The following PLCB1 variants were observed in gnomAD, a reference collection of about 807,000 sequenced individuals.
The protein encoded by PLCB1 is phospholipase C beta 1, also known as 1-phosphatidylinositol 4,5-bisphosphate phosphodiesterase beta-1.
Under a neutral mutation model 161.8 loss-of-function variants are expected in PLCB1, and 46 were observed. The observed-to-expected ratio is 0.28, with a 90% CI of 0.22 to 0.36. PLCB1 has a LOEUF of 0.36. Among genes scored for constraint, PLCB1 ranks in the 10% least tolerant of loss-of-function variants. The pLI is 1.00. For synonymous variants in PLCB1, 517 were observed against 503.7 expected, an observed-to-expected ratio of 1.03 and a Z score of -0.35; for missense variants, 1,016 against 1,472.5, an observed-to-expected ratio of 0.69 and a Z score of 5.07.
chr20:8,583,488 T>TTG, intron 3 of PLCB1, among the ~76,000 whole-genome samples: 1 of 152,230 alleles, frequency 6.6e-6, no homozygotes, highest in Admixed American at 6.5e-5. Flanking sequence ...GAATCTAACC[T>TTG]AACACAGTCA....
intron 23 of PLCB1, among the ~76,000 whole-genome samples, chr20:8,748,835 A>G (rs1360117618): frequency 6.6e-6 from 1 of 152,242 alleles, no homozygotes; most frequent in Non-Finnish European, 1.5e-5. Context: ...ACAGGGGGAC[A>G]AAGCGGGTAA....
chr20:8,543,262 A>G (rs532084225), intron 3 of PLCB1, among the ~76,000 whole-genome samples: 15 of 152,234 alleles, frequency 9.9e-5, no homozygotes, highest in Non-Finnish European at 5.9e-5. Context: ...TATGTAAGAG[A>G]GATATGTGGA....
chr20:8,664,214 A>G (rs759297103), intron 9 of PLCB1, among the ~76,000 whole-genome samples: 2 of 152,186 alleles, frequency 1.3e-5, no homozygotes, highest in African/African-American at 4.8e-5. Context: ...CTAAATTTTT[A>G]TAAGGTATAC....
At chr20:8,322,135 A>C (rs549696922) in intron 2 of PLCB1, among the ~76,000 whole-genome samples, 1 of 152,184 alleles carries the variant, frequency 6.6e-6, no homozygotes, top group East Asian at 1.9e-4. Context: ...CCTATTTATT[A>C]ATATTCTTTA....
intron 3 of PLCB1, among the ~76,000 whole-genome samples, chr20:8,531,290 A>G (rs907739255): frequency 3.3e-5 from 5 of 152,120 alleles, no homozygotes; most frequent in African/African-American, 1.2e-4. Context: ...ACTAAATGAT[A>G]CTTGCAGGAC....
intron 31 of PLCB1, among the ~76,000 whole-genome samples, chr20:8,847,896 C>A (rs541134261): frequency 6.6e-6 from 1 of 152,104 alleles, no homozygotes; most frequent in East Asian, 1.9e-4. Flanking sequence ...GCAATTTATA[C>A]GAACAGAAAT....
intron 3 of PLCB1, among the ~76,000 whole-genome samples, chr20:8,502,237 C>G (rs1306977106): frequency 1.3e-5 from 2 of 151,914 alleles, no homozygotes; most frequent in African/African-American, 4.8e-5. Context: ...AATATATATT[C>G]TTAAAGTGTG....
intron 11 of PLCB1, among the ~76,000 whole-genome samples, 196 bp downstream of exon 11, chr20:8,697,979 A>G (rs1990617514): frequency 2.6e-5 from 4 of 152,240 alleles, no homozygotes; most frequent in Admixed American, 2.6e-4. Flanking sequence ...CATGCTAACC[A>G]AATTCTAAGG....
chr20:8,226,748 C>T lies in PLCB1; in HGVS notation c.177+76377C>T, dbSNP rs1044794846. On this transcript the variant is annotated intron_variant, in intron 2 of 31. Transcript: ENST00000338037. ...TGTCTCCCTGGCTGGAGTGCAGTGG[C>T]GCAATCTCGGCTCACTGCAACCTCC... 1.3e-4 allele frequency among the ~76,000 whole-genome samples: 19 copies of T among 150,846 alleles called. No homozygotes were observed. In the East Asian group the frequency reaches 1.6e-3, roughly 12 times the overall value.
chr20:8,784,905 G>A (rs986796498), intron 27 of PLCB1, among the ~76,000 whole-genome samples: 1 of 152,186 alleles, frequency 6.6e-6, no homozygotes, highest in Non-Finnish European at 1.5e-5. Flanking sequence ...TATCGCTGAG[G>A]TCGGGTCCAG....
chr20:8,513,528 C>T (rs975783815), intron 3 of PLCB1, among the ~76,000 whole-genome samples: 8 of 152,186 alleles, frequency 5.3e-5, no homozygotes, highest in Non-Finnish European at 1.2e-4. Flanking sequence ...TAATTCGGAA[C>T]GAATACCTAT....
intron 3 of PLCB1, among the ~76,000 whole-genome samples, chr20:8,536,834 G>A (rs933459271): frequency 3.3e-5 from 5 of 152,172 alleles, no homozygotes; most frequent in Admixed American, 1.3e-4. Flanking sequence ...CTCCTTTGCT[G>A]CATGGGGGAA....
Position 8,375,908 on chromosome 20 carries a change from C to G in PLCB1, c.246+4458C>G, listed in dbSNP as rs1405666964. ...TTGAATAAGTTTACATAACCTGAAA[C>G]TTCTTACCTCCTTCATCATGCAAAC... is the stretch of plus-strand genomic sequence containing the variant. On this transcript the variant is annotated intron_variant, in intron 3 of 31. Transcript: ENST00000338037. Among the ~76,000 whole-genome samples, 3 of 137,118 alleles carry G rather than the reference C, an allele frequency of 2.2e-5. No homozygotes were observed. In the Admixed American group the frequency reaches 2.4e-4, roughly 11 times the overall value. 90.0% of individuals were successfully genotyped at this position (137,118 alleles called of 152,430 possible). A position where few individuals can be genotyped will look rare whatever the true frequency, so the allele number is the denominator to read the frequency against.
chr20:8,573,793 A>T (rs994531486), intron 3 of PLCB1, among the ~76,000 whole-genome samples: 1 of 152,168 alleles, frequency 6.6e-6, no homozygotes, highest in African/African-American at 2.4e-5. Flanking sequence ...TCAGTGGGTG[A>T]TTACAGTGAT....
At chr20:8,867,407 G>A (rs576500366) in intron 31 of PLCB1, among the ~76,000 whole-genome samples, 3 of 152,300 alleles carry the variant, frequency 2.0e-5, no homozygotes, top group South Asian at 2.1e-4. Context: ...AATGTGACTC[G>A]GTGTAAGAAC....
chr20:8,834,810 GAA>G (rs10568816), intron 31 of PLCB1, among the ~76,000 whole-genome samples: 28 of 85,584 alleles, frequency 3.3e-4, no homozygotes, highest in East Asian at 2.5e-3. Context: ...CTCTGCCTCA[GAA>G]AAAAAAAAAA....
intron 3 of PLCB1, among the ~76,000 whole-genome samples, chr20:8,452,716 C>T (rs1486242701): frequency 6.6e-6 from 1 of 151,998 alleles, no homozygotes; most frequent in Non-Finnish European, 1.5e-5. Flanking sequence ...ACAGAAAAAG[C>T]CAAAGAGAAG....
At chr20:8,260,670 G>T (rs1401797757) in intron 2 of PLCB1, among the ~76,000 whole-genome samples, 1 of 152,130 alleles carries the variant, frequency 6.6e-6, no homozygotes, top group Admixed American at 6.5e-5. Context: ...TGGTGCTAAA[G>T]AGGGAATAAA....
At chr20:8,170,273 C>CT (rs917039446) in intron 2 of PLCB1, among the ~76,000 whole-genome samples, 8 of 151,074 alleles carry the variant, frequency 5.3e-5, no homozygotes, top group African/African-American at 1.5e-4. Context: ...TTCTTTCTTT[C>CT]TTTTTTTTTA....
Sources: allele counts gnomAD v4.1 joint callset (sites outside exome capture counted in the v4.1 genomes callset), GRCh38; gene constraint gnomAD v4.1.1; transcripts MANE v1.5; gene names NCBI Gene and HGNC (gene_info 2026-07-23, HGNC 2026-07-21).